The following GNAS variants were observed in gnomAD, a reference collection of about 807,000 sequenced individuals.
GNAS encodes the protein GNAS complex locus.
Under a neutral mutation model 54.5 loss-of-function variants are expected in GNAS, and 8 were observed. The ratio of observed to expected loss-of-function variants is 0.15; its 90% confidence interval spans 0.09 to 0.26. The LOEUF is 0.26. GNAS is among the 10% of genes least tolerant of loss of function. The pLI is 1.00. For synonymous variants in GNAS, 204 were observed against 191.4 expected, an observed-to-expected ratio of 1.07 and a Z score of -0.54; for missense variants, 170 against 529.8, an observed-to-expected ratio of 0.32 and a Z score of 6.67.
At chr20:58,849,435 C>A (rs946407330) in intron 1 of GNAS, among the ~76,000 whole-genome samples, 1 of 152,200 alleles carries the variant, frequency 6.6e-6, no homozygotes, top group African/African-American at 2.4e-5. Context: ...AAAGAGTTTT[C>A]TCTGACTCCA....
At chr20:58,882,194 G>C (rs2088271567) in intron 1 of GNAS, among the ~76,000 whole-genome samples, 1 of 152,030 alleles carries the variant, frequency 6.6e-6, no homozygotes, top group Non-Finnish European at 1.5e-5. Flanking sequence ...TCAGCCTCCC[G>C]AGTAGCTGGG....
At chr20:58,840,005 C>A (rs1272649176), upstream of GNAS, 6 of 1,369,128 alleles carry the variant, frequency 4.4e-6, no homozygotes, top group African/African-American at 8.5e-5. This position sits in a 1 kb window ranked among gnomAD's most constrained non-coding sequence, Gnocchi z 6.0. Flanking sequence ...AGCTTCTCAC[C>A]TCATAGGGTG....
chr20:58,846,313 C>T (rs1458802552), intron 1 of GNAS, among the ~76,000 whole-genome samples: 1 of 152,078 alleles, frequency 6.6e-6, no homozygotes, highest in African/African-American at 2.4e-5. Flanking sequence ...GAACCAGGTG[C>T]ATCAAGGGAC....
upstream of GNAS, chr20:58,839,808 G>A: frequency 1.7e-6 from 1 of 585,674 alleles, no homozygotes; most frequent in South Asian, 2.1e-5. Context: ...CGAGTCTTAG[G>A]CTGCGGAATC....
At chr20:58,907,548 C>T (rs2091155368) in intron 6 of GNAS, among the ~76,000 whole-genome samples, 1 of 152,158 alleles carries the variant, frequency 6.6e-6, no homozygotes. Context: ...GGCAGGGAGA[C>T]CCAGTTTCGT....
chr20:58,871,881 A>C (rs1349847508), intron 1 of GNAS, among the ~76,000 whole-genome samples: 2 of 152,188 alleles, frequency 1.3e-5, no homozygotes, highest in African/African-American at 4.8e-5. Context: ...ATCAGGTTGC[A>C]AGTGATTATC....
intron 1 of GNAS, among the ~76,000 whole-genome samples, chr20:58,877,144 CA>C (rs1351001918): frequency 7.9e-6 from 1 of 127,022 alleles, no homozygotes; most frequent in East Asian, 2.8e-4. Context: ...GATGAAAGAA[CA>C]AGATTTTTTT....
chr20:58,882,638 G>A (rs1168911394), intron 1 of GNAS, among the ~76,000 whole-genome samples: 2 of 152,156 alleles, frequency 1.3e-5, no homozygotes, highest in Admixed American at 1.3e-4. Context: ...AGTATTTAAT[G>A]TTCCTTAGAA....
At position 58,910,514 on chromosome 20, in the gene GNAS, T is replaced by TTCACGC; in HGVS notation, c.1038+114_1038+119dup. The TTCACGC allele has an allele frequency of 8.8e-7, 1 of 1,130,536 alleles. No homozygotes were observed. Among genetic ancestry groups the TTCACGC allele is most frequent in the Admixed American group, 1.8e-5 (1 of 54,998 alleles). 70.0% of individuals were successfully genotyped at this position (1,130,536 alleles called of 1,614,324 possible). On this transcript the variant is annotated intron_variant, in intron 12 of 12. Coordinates refer to ENST00000371085, the MANE Select transcript of GNAS (RefSeq NM_000516.7). This position sits in a 1 kb window ranked among gnomAD's most constrained non-coding sequence, Gnocchi z 5.8. ...CAGCTACCCAGTTCCATGGTTTTAG[T>TTCACGC]TCACGCACATCCAGTGTGGATTTGA... is the stretch of plus-strand genomic sequence containing the variant.
intron 1 of GNAS, among the ~76,000 whole-genome samples, chr20:58,861,464 A>G (rs915153666): frequency 6.6e-6 from 1 of 152,200 alleles, no homozygotes; most frequent in Non-Finnish European, 1.5e-5. Context: ...ATTAGACTGA[A>G]TGGAGCTTTT....
chr20:58,854,014 A>C (rs757318847), intron 1 of GNAS: 3 of 1,611,566 alleles, frequency 1.9e-6, no homozygotes, highest in African/African-American at 2.7e-5. Flanking sequence ...GCACAAGTCG[A>C]CGGCAGCAGC....
upstream of GNAS, chr20:58,840,588 A>G: frequency 1.2e-6 from 2 of 1,611,246 alleles, no homozygotes; most frequent in Non-Finnish European, 1.7e-6. This position sits in a 1 kb window ranked among gnomAD's most constrained non-coding sequence, Gnocchi z 6.0. Flanking sequence ...TCCCTCACCC[A>G]GCGTCTGCAC....
Position 58,909,533 on chromosome 20 carries a change from G to A in GNAS, c.672G>A (p.Val224=), listed in dbSNP as rs2091301093. Residue 224 remains valine (V), a synonymous_variant, in exon 9 of 13, where the codon GTG becomes GTA. Transcript: ENST00000371085. The surrounding 1 kb of genome is among the most constrained non-coding windows in gnomAD (Gnocchi z 7.3). ...VDKVNFHMFD[V]GGQRDERRKW... The stretch of plus-strand genomic sequence containing the variant: ...TCCTCCCCACCAGCATGTTTGACGT[G>A]GGTGGCCAGCGCGATGAACGCCGCA... The A allele has an allele frequency of 6.2e-7, 1 of 1,614,050 alleles. No homozygotes were observed. Among genetic ancestry groups the A allele is most frequent in the African/African-American group, 1.3e-5 (1 of 74,926 alleles).
At chr20:58,908,425 C>T (rs1273505234) in intron 6 of GNAS, among the ~76,000 whole-genome samples, 6 of 151,780 alleles carry the variant, frequency 4.0e-5, no homozygotes, top group Non-Finnish European at 5.9e-5. Context: ...ATGGCTAGGG[C>T]GAGAAGGGCC....
intron 2 of GNAS, chr20:58,897,757 A>G (rs979015053): frequency 1.3e-5 from 2 of 152,222 alleles, no homozygotes; most frequent in Non-Finnish European, 2.9e-5. Context: ...GAGGGTTTAC[A>G]GGGGTATTCC....
intron 1 of GNAS, chr20:58,842,422 A>G (rs907595355): frequency 2.5e-5 from 10 of 398,498 alleles, no homozygotes; most frequent in African/African-American, 2.1e-4. Flanking sequence ...ATGATGATAG[A>G]AGGAAAATAC....
At chr20:58,905,642 A>G (rs1290407003) in intron 6 of GNAS, among the ~76,000 whole-genome samples, 162 bp downstream of exon 6, 2 of 152,290 alleles carry the variant, frequency 1.3e-5, no homozygotes, top group South Asian at 4.1e-4. Flanking sequence ...TCAATTGTTT[A>G]TTTATAAAGT....
intron 1 of GNAS, among the ~76,000 whole-genome samples, chr20:58,859,775 T>C (rs2086687688): frequency 6.6e-6 from 1 of 151,974 alleles, no homozygotes; most frequent in East Asian, 2.0e-4. Context: ...TACAGGTGCA[T>C]GCACCATGCC....
intron 1 of GNAS, among the ~76,000 whole-genome samples, chr20:58,882,637 T>C (rs1394667862): frequency 6.6e-6 from 1 of 152,214 alleles, no homozygotes; most frequent in Non-Finnish European, 1.5e-5. Context: ...CAGTATTTAA[T>C]GTTCCTTAGA....
Sources: gnomAD v4.1 joint callset for allele counts (sites outside exome capture counted in the v4.1 genomes callset) on GRCh38, gnomAD v4.1.1 for gene constraint, Gnocchi (gnomAD v3.1) non-coding constraint, MANE v1.5 for transcripts, NCBI Gene and HGNC (gene_info 2026-07-23, HGNC 2026-07-21) for gene names.